Variants in B3GALT1 observed in about 807,000 individuals in gnomAD.
B3GALT1 encodes beta-1,3-galactosyltransferase 1.
In B3GALT1, 10 loss-of-function variants were observed where a neutral mutation model predicts 23.2. The observed-to-expected ratio is 0.43, with a 90% confidence interval of 0.27 to 0.73. The LOEUF is 0.73. B3GALT1 is among the 30% of genes least tolerant of loss of function. The probability of loss-of-function intolerance (pLI) is 0.21; values close to 1 mark genes in which losing one functional copy is unlikely to be tolerated. For missense variants in B3GALT1, 299 were observed against 405.4 expected (o/e 0.74, Z 2.25); for synonymous variants, 156 against 141.5 (o/e 1.10, Z -0.73).
intron 1 of B3GALT1, among the ~76,000 whole-genome samples, chr2:167,436,620 C>T (rs954048637): frequency 6.6e-6 from 1 of 152,156 alleles, no homozygotes; most frequent in South Asian, 2.1e-4. Flanking sequence ...GATCCTAGAA[C>T]AGTACATTTA....
At chr2:167,359,025 C>A (rs1265761486) in intron 1 of B3GALT1, among the ~76,000 whole-genome samples, 1 of 152,190 alleles carries the variant, frequency 6.6e-6, no homozygotes, top group East Asian at 1.9e-4. Context: ...TGGTCTAGAT[C>A]TCCTGACCTC....
At chr2:167,658,641 T>C (rs1482701277) in intron 3 of B3GALT1, among the ~76,000 whole-genome samples, 1 of 152,096 alleles carries the variant, frequency 6.6e-6, no homozygotes, top group African/African-American at 2.4e-5. Flanking sequence ...CTGTTTGTTA[T>C]ACATTTACCA....
chr2:167,846,145 A>G (rs1464366204), intron 4 of B3GALT1, among the ~76,000 whole-genome samples: 1 of 152,150 alleles, frequency 6.6e-6, no homozygotes, highest in Non-Finnish European at 1.5e-5. Flanking sequence ...GTTCCTGAGG[A>G]AGAAGAGAAT....
chr2:167,503,196 C>G (rs1699871554), intron 2 of B3GALT1, among the ~76,000 whole-genome samples: 1 of 151,906 alleles, frequency 6.6e-6, no homozygotes, highest in Non-Finnish European at 1.5e-5. Context: ...TTAAATTTTC[C>G]CTTCATTTCT....
intron 1 of B3GALT1, among the ~76,000 whole-genome samples, chr2:167,447,709 A>C (rs914710459): frequency 6.6e-6 from 1 of 152,116 alleles, no homozygotes; most frequent in African/African-American, 2.4e-5. Context: ...AGACCATTGG[A>C]AAAGCACAAT....
At chr2:167,461,951 G>A (rs1169497204) in intron 1 of B3GALT1, among the ~76,000 whole-genome samples, 1 of 152,082 alleles carries the variant, frequency 6.6e-6, no homozygotes, top group African/African-American at 2.4e-5. Flanking sequence ...TTTGTGTGGG[G>A]GCAAGATGCC....
In B3GALT1 at chr2:167,551,649, G is replaced by C. The variant is rs141944553; in HGVS notation, c.-410+61372G>C. Among the ~76,000 whole-genome samples the C allele has an allele frequency of 1.2e-4, 18 of 152,252 alleles. No homozygotes were observed. In the East Asian group the frequency reaches 3.5e-3, roughly 29 times the overall value. On this transcript the variant is annotated intron_variant, in intron 2 of 4. Coordinates refer to ENST00000392690, the MANE Select transcript of B3GALT1 (RefSeq NM_020981.4). ...GGTTGTCTGTATCCTCCTGGATGAG[G>C]GGTGCAGTCATCTCCAGTCTGAGGA... is the stretch of plus-strand genomic sequence containing the variant.
intron 1 of B3GALT1, among the ~76,000 whole-genome samples, chr2:167,454,649 G>A (rs1699142838): frequency 6.6e-6 from 1 of 152,066 alleles, no homozygotes; most frequent in East Asian, 1.9e-4. Context: ...TATGCTAAGA[G>A]AGGAAAGTAA....
chr2:167,394,930 G>A (rs1698072454), intron 1 of B3GALT1, among the ~76,000 whole-genome samples: 1 of 152,062 alleles, frequency 6.6e-6, no homozygotes, highest in South Asian at 2.1e-4. Context: ...TTGTGCTTTG[G>A]GAACAGATAA....
intron 4 of B3GALT1, among the ~76,000 whole-genome samples, chr2:167,867,153 C>T (rs1574310419): frequency 6.6e-6 from 1 of 152,164 alleles, no homozygotes; most frequent in Non-Finnish European, 1.5e-5. Flanking sequence ...GTCTCGATCT[C>T]CTGACCTCGT....
At chr2:167,352,943 A>G (rs1697340670) in intron 1 of B3GALT1, among the ~76,000 whole-genome samples, 1 of 152,232 alleles carries the variant, frequency 6.6e-6, no homozygotes, top group Admixed American at 6.5e-5. Flanking sequence ...ACTGTACATA[A>G]TAAACCCAGT....
chr2:167,532,860 T>A (rs1330871191), intron 2 of B3GALT1, among the ~76,000 whole-genome samples: 1 of 147,854 alleles, frequency 6.8e-6, no homozygotes, highest in Non-Finnish European at 1.5e-5. Context: ...GCATCTTTTT[T>A]TTTTTTTTTT....
At chr2:167,591,473 T>A (rs1232430972) in intron 2 of B3GALT1, among the ~76,000 whole-genome samples, 3 of 151,980 alleles carry the variant, frequency 2.0e-5, no homozygotes, top group Non-Finnish European at 4.4e-5. Flanking sequence ...AATTTATTTA[T>A]TTATTTATTT....
At chr2:167,838,842 C>T (rs1352369456) in intron 4 of B3GALT1, among the ~76,000 whole-genome samples, 1 of 152,184 alleles carries the variant, frequency 6.6e-6, no homozygotes, top group Non-Finnish European at 1.5e-5. Flanking sequence ...ATCAAGTGGG[C>T]TTCATCCCTG....
chr2:167,790,941 A>G (rs1015329313), intron 3 of B3GALT1, among the ~76,000 whole-genome samples: 3 of 152,054 alleles, frequency 2.0e-5, no homozygotes, highest in Non-Finnish European at 4.4e-5. Context: ...TTTCCTAGTT[A>G]TATTATTACA....
intron 1 of B3GALT1, among the ~76,000 whole-genome samples, chr2:167,357,178 T>C (rs1241452839): frequency 6.6e-6 from 1 of 152,078 alleles, no homozygotes; most frequent in East Asian, 1.9e-4. Context: ...TGTAATACCA[T>C]TTTAGGTATA....
chr2:167,586,492 G>C (rs1290219069), intron 2 of B3GALT1, among the ~76,000 whole-genome samples: 2 of 151,978 alleles, frequency 1.3e-5, no homozygotes, highest in African/African-American at 4.8e-5. Context: ...GTAGAGACAG[G>C]GTTTCACCAT....
intron 1 of B3GALT1, among the ~76,000 whole-genome samples, chr2:167,463,679 T>C (rs1481512296): frequency 6.6e-6 from 1 of 152,170 alleles, no homozygotes; most frequent in Non-Finnish European, 1.5e-5. Context: ...TTCAAGATTA[T>C]GTAAAAGTGG....
chr2:167,430,549 T>C (rs531435733), intron 1 of B3GALT1, among the ~76,000 whole-genome samples: 3 of 152,108 alleles, frequency 2.0e-5, no homozygotes, highest in Non-Finnish European at 4.4e-5. Flanking sequence ...GCAGTGGAAG[T>C]GGTGAAAGAT....
Sources: gnomAD v4.1 joint callset for allele counts (sites outside exome capture counted in the v4.1 genomes callset) on GRCh38, gnomAD v4.1.1 for gene constraint, MANE v1.5 for transcripts, NCBI Gene and HGNC (gene_info 2026-07-23, HGNC 2026-07-21) for gene names.